The following LRBA variants were observed in gnomAD, a reference collection of about 807,000 sequenced individuals.
LRBA encodes LPS responsive beige-like anchor protein.
LRBA carries 176 observed loss-of-function variants against 330.0 expected under a neutral mutation model. The ratio of observed to expected loss-of-function variants is 0.53; its 90% CI spans 0.47 to 0.60. The LOEUF is 0.60. LRBA is among the 20% of genes least tolerant of loss of function. LRBA has a pLI of 0.00. For missense variants in LRBA, 3,259 were observed against 3,444.8 expected, an observed-to-expected ratio of 0.95 and a Z score of 1.35; for synonymous variants, 1,230 against 1,193.0, an observed-to-expected ratio of 1.03 and a Z score of -0.64.
chr4:150,653,478 C>T (rs1174519714), intron 37 of LRBA, among the ~76,000 whole-genome samples: 2 of 152,108 alleles, frequency 1.3e-5, no homozygotes, highest in Non-Finnish European at 2.9e-5. Context: ...TTACCTCACC[C>T]CAGGACCCTC....
Position 150,436,704 on chromosome 4 carries a change from A to G in LRBA, c.6921+20T>C. ...CACTGAATTTATTTAGCCATGGTGT[A>G]TTATTCAAATTGAACTTACTATTCT... On this transcript the variant is annotated intron_variant, in intron 45 of 56. Transcript: ENST00000651943. 1 of 1,602,930 alleles carries G rather than the reference A, an allele frequency of 6.2e-7. No homozygotes were observed. The highest frequency in any genetic ancestry group is 8.5e-7 in the Non-Finnish European group (1 of 1,172,154).
At chr4:150,877,672 C>T (rs1411185459) in intron 17 of LRBA, among the ~76,000 whole-genome samples, 3 of 152,166 alleles carry the variant, frequency 2.0e-5, no homozygotes, top group Admixed American at 2.0e-4. Context: ...CAACACTTGA[C>T]TAATTGGACC....
chr4:150,821,184 T>A lies in LRBA; in HGVS notation c.5172-3927A>T, dbSNP rs181637519. Among the ~76,000 whole-genome samples, 36 of 152,244 alleles carry A rather than the reference T, an allele frequency of 2.4e-4. 1 individual carries two copies. In the East Asian group the frequency reaches 5.8e-3, roughly 24 times the overall value. On this transcript the variant is annotated intron_variant, in intron 30 of 56. Coordinates refer to ENST00000651943, the MANE Select transcript of LRBA (RefSeq NM_001364905.1). ...TTAGCAGAAAGTGCTTCAAACTTTT[T>A]AGCATAAGGAATCTGAAAGATAGAC... is the stretch of plus-strand genomic sequence containing the variant.
intron 50 of LRBA, among the ~76,000 whole-genome samples, chr4:150,316,625 A>G (rs1731757452): frequency 6.6e-6 from 1 of 152,118 alleles, no homozygotes; most frequent in African/African-American, 2.4e-5. Context: ...ACAAGCATTC[A>G]CATTATTGCT....
intron 2 of LRBA, among the ~76,000 whole-genome samples, chr4:150,975,647 A>G (rs2149593940): frequency 6.6e-6 from 1 of 152,254 alleles, no homozygotes; most frequent in Non-Finnish European, 1.5e-5. Flanking sequence ...TAAAAAATCT[A>G]TTAAGAAATT....
intron 37 of LRBA, among the ~76,000 whole-genome samples, chr4:150,682,286 G>A (rs533987546): frequency 1.8e-4 from 27 of 152,010 alleles, no homozygotes; most frequent in African/African-American, 2.7e-4. Context: ...CATTCTCCTC[G>A]CCATGGGCTT....
intron 56 of LRBA, among the ~76,000 whole-genome samples, chr4:150,270,271 C>CA (rs1285238172): frequency 3.0e-4 from 45 of 152,188 alleles, no homozygotes; most frequent in African/African-American, 1.1e-3. Flanking sequence ...TGATAATGTT[C>CA]ATAGCAGCAT....
chr4:151,004,024 A>G (rs1274064269), intron 2 of LRBA, among the ~76,000 whole-genome samples: 2 of 150,920 alleles, frequency 1.3e-5, no homozygotes, highest in African/African-American at 2.4e-5. Flanking sequence ...GGTTCCACAA[A>G]TCTCCTGCCT....
intron 37 of LRBA, among the ~76,000 whole-genome samples, chr4:150,633,245 G>T (rs946301152): frequency 6.6e-6 from 1 of 152,182 alleles, no homozygotes; most frequent in Non-Finnish European, 1.5e-5. Context: ...AATAAAAAGA[G>T]AACCTAATTC....
intron 56 of LRBA, among the ~76,000 whole-genome samples, chr4:150,275,231 C>T (rs866320948): frequency 3.9e-5 from 6 of 152,108 alleles, no homozygotes; most frequent in African/African-American, 2.4e-5. Context: ...ATTCACCACC[C>T]CTTCATCCTA....
intron 37 of LRBA, among the ~76,000 whole-genome samples, chr4:150,668,691 T>C (rs1781780799): frequency 6.6e-6 from 1 of 152,190 alleles, no homozygotes; most frequent in Non-Finnish European, 1.5e-5. Flanking sequence ...CTTTCCCTAA[T>C]GGCATTTATA....
At chr4:150,588,999 A>C (rs6858706) in intron 39 of LRBA, among the ~76,000 whole-genome samples, 10,242 of 152,012 alleles carry the variant, frequency 0.067, 591 homozygotes, top group East Asian at 0.18. Context: ...AATATGAACT[A>C]AAAATGTTAC....
In LRBA at chr4:150,683,738, A is replaced by C. The variant is rs1480001537; in HGVS notation, c.5755-21T>G. On this transcript the variant is annotated intron_variant, in intron 36 of 56. Transcript: ENST00000651943. ...AGTGACTTGGAGAGAAAAAAAAATAATACTATAAAAAATGTGAAAAAAACC... is the reference window on the plus strand; with the variant it reads ...AGTGACTTGGAGAGAAAAAAAAATACTACTATAAAAAATGTGAAAAAAACC... The C allele has an allele frequency of 2.0e-6, 3 of 1,535,932 alleles. No homozygotes were observed. In the Admixed American group the frequency reaches 5.6e-5, roughly 29 times the overall value.
At chr4:150,944,022 T>C (rs953811004) in intron 2 of LRBA, among the ~76,000 whole-genome samples, 3 of 152,206 alleles carry the variant, frequency 2.0e-5, no homozygotes, top group Admixed American at 6.5e-5. Flanking sequence ...TTGCCAGTCA[T>C]GTAAGTAACC....
chr4:150,566,221 T>TA (rs1343410732), intron 40 of LRBA, among the ~76,000 whole-genome samples: 1 of 152,066 alleles, frequency 6.6e-6, no homozygotes, highest in African/African-American at 2.4e-5. Context: ...ATCATGTCTC[T>TA]AAAAAAATAA....
chr4:150,705,134 T>G (rs980874565), intron 36 of LRBA, among the ~76,000 whole-genome samples: 1 of 152,010 alleles, frequency 6.6e-6, no homozygotes, highest in Non-Finnish European at 1.5e-5. Context: ...CAAATCCTCT[T>G]CCCCCTTCAA....
chr4:150,452,500 T>C (rs1369308650), intron 44 of LRBA, among the ~76,000 whole-genome samples: 4 of 151,806 alleles, frequency 2.6e-5, no homozygotes, highest in Non-Finnish European at 4.4e-5. Context: ...TGTGCACCTA[T>C]AGTGTCAGCT....
At chr4:150,491,230 A>C (rs1438701535) in intron 40 of LRBA, among the ~76,000 whole-genome samples, 195 bp from the exon 41 acceptor site, 1 of 152,044 alleles carries the variant, frequency 6.6e-6, no homozygotes, top group East Asian at 1.9e-4. Flanking sequence ...ATTAAAAAGC[A>C]AAGTAAAATT....
Position 150,827,203 on chromosome 4 carries a change from C to A in LRBA, c.5171+977G>T, listed in dbSNP as rs577980781. ...TACCAGAAAATGAACTGACATTAGA[C>A]AATCTGGCAGAAGGGTTCTAATGAT... On this transcript the variant is annotated intron_variant, in intron 30 of 56. Coordinates refer to ENST00000651943, the MANE Select transcript of LRBA (RefSeq NM_001364905.1). 4.6e-5 allele frequency among the ~76,000 whole-genome samples: 7 copies of A among 152,280 alleles called. No individual in the cohort carries two copies. In the East Asian group the frequency reaches 7.7e-4, roughly 17 times the overall value.
Sources: allele counts gnomAD v4.1 joint callset (sites outside exome capture counted in the v4.1 genomes callset), GRCh38; gene constraint gnomAD v4.1.1; transcripts MANE v1.5; gene names NCBI Gene and HGNC (gene_info 2026-07-23, HGNC 2026-07-21).